PIK3CB: variants seen among roughly 807,000 people sequenced by gnomAD.
The protein encoded by PIK3CB is phosphatidylinositol-4,5-bisphosphate 3-kinase catalytic subunit beta, also known as phosphatidylinositol 4,5-bisphosphate 3-kinase catalytic subunit beta isoform.
PIK3CB carries 39 observed loss-of-function variants against 136.8 expected under a neutral mutation model. That is an observed-to-expected ratio of 0.29 (90% CI 0.22 to 0.37). The LOEUF (loss-of-function observed/expected upper bound fraction) is 0.37. Among genes scored for constraint, PIK3CB ranks in the 10% least tolerant of loss-of-function variants. The pLI, the probability that PIK3CB is intolerant of heterozygous loss-of-function variation, is 1.00. For synonymous variants in PIK3CB, 428 were observed against 436.6 expected, an observed-to-expected ratio of 0.98 and a Z score of 0.25; for missense variants, 868 against 1,275.4, an observed-to-expected ratio of 0.68 and a Z score of 4.87.
chr3:138,830,903 A>AAATAAC (rs1933998895), intron 1 of PIK3CB, among the ~76,000 whole-genome samples: 1 of 136,970 alleles, frequency 7.3e-6, no homozygotes, highest in Non-Finnish European at 1.5e-5. Flanking sequence ...CTCCGTCTCA[A>AAATAAC]AATAATAATA....
chr3:138,756,050 C>A, intron 3 of PIK3CB, 71 bp from the exon 4 acceptor site: 2 of 652,880 alleles, frequency 3.1e-6, no homozygotes, highest in South Asian at 2.3e-5. Flanking sequence ...TAAGGATGCT[C>A]ACTGCAGCAC....
At chr3:138,696,552 CT>C (rs1003695557) in intron 13 of PIK3CB, among the ~76,000 whole-genome samples, 2 of 152,028 alleles carry the variant, frequency 1.3e-5, no homozygotes, top group Non-Finnish European at 2.9e-5. Flanking sequence ...AAGGCTAGCT[CT>C]TTTTTTATGT....
intron 1 of PIK3CB, among the ~76,000 whole-genome samples, chr3:138,813,706 C>T (rs1318577685): frequency 6.6e-6 from 1 of 151,574 alleles, no homozygotes; most frequent in East Asian, 2.0e-4. Flanking sequence ...CGTGAGCCAC[C>T]GCGCCCAGCC....
intron 6 of PIK3CB, among the ~76,000 whole-genome samples, chr3:138,736,157 A>T (rs933877344): frequency 6.6e-6 from 1 of 152,190 alleles, no homozygotes; most frequent in Non-Finnish European, 1.5e-5. Flanking sequence ...CATGAAGAAA[A>T]GTCAGTACTT....
intron 1 of PIK3CB, among the ~76,000 whole-genome samples, chr3:138,828,856 TG>T (rs1933906731): frequency 6.6e-6 from 1 of 151,894 alleles, no homozygotes; most frequent in African/African-American, 2.4e-5. Context: ...TGGTGCACCT[TG>T]GCTCACTGCA....
rs369932695 is a variant in PIK3CB, at chr3:138,657,335, G to T, written c.2942+355C>A. 32 of 170,394 alleles carry T rather than the reference G, an allele frequency of 1.9e-4. No individual in the cohort carries two copies. The South Asian group carries it at 4.9e-3, about 26-fold the overall frequency. 10.6% of individuals were successfully genotyped at this position (170,394 alleles called of 1,614,324 possible). A position where few individuals can be genotyped will look rare whatever the true frequency, so the allele number is the denominator to read the frequency against. Reference sequence around the variant, plus strand: ...TAATAGATCAGAGATTAAAAAATTTGCCCTGAATTCTAGTTCCCTTACTGT... The same window carrying T: ...TAATAGATCAGAGATTAAAAAATTTTCCCTGAATTCTAGTTCCCTTACTGT... On this transcript the variant is annotated intron_variant, in intron 22 of 23. Coordinates refer to ENST00000674063, the MANE Select transcript of PIK3CB (RefSeq NM_006219.3).
At chr3:138,759,745 G>A (rs1576396785) in intron 2 of PIK3CB, among the ~76,000 whole-genome samples, 1 of 151,996 alleles carries the variant, frequency 6.6e-6, no homozygotes, top group Non-Finnish European at 1.5e-5. Flanking sequence ...GGATTACAGG[G>A]TCCTAAGAAA....
At chr3:138,778,269 C>T in intron 2 of PIK3CB, 3 of 403,264 alleles carry the variant, frequency 7.4e-6, no homozygotes, top group South Asian at 3.7e-5. Flanking sequence ...TCCCAGCAAA[C>T]CTTCTATACC....
chr3:138,682,160 T>C, intron 18 of PIK3CB, 115 bp from the exon 19 acceptor site: 4 of 604,298 alleles, frequency 6.6e-6, no homozygotes, highest in South Asian at 2.3e-5. Context: ...TGTGCTAATA[T>C]TTTCACTAAT....
At chr3:138,750,693 T>C (rs2045454155) in intron 4 of PIK3CB, among the ~76,000 whole-genome samples, 1 of 152,152 alleles carries the variant, frequency 6.6e-6, no homozygotes, top group Non-Finnish European at 1.5e-5. Flanking sequence ...GTCTCCCCTT[T>C]CCCAGCCCAA....
chr3:138,750,845 A>C (rs1308186196), intron 4 of PIK3CB, among the ~76,000 whole-genome samples: 1 of 152,212 alleles, frequency 6.6e-6, no homozygotes, highest in Non-Finnish European at 1.5e-5. Flanking sequence ...ATAGCAGTTA[A>C]TACATTGCAA....
chr3:138,680,132 G>C (rs764093924), intron 19 of PIK3CB, among the ~76,000 whole-genome samples: 5 of 152,054 alleles, frequency 3.3e-5, no homozygotes, highest in Non-Finnish European at 7.3e-5. Context: ...GCCCAAGGCA[G>C]GCAGATCACA....
At chr3:138,761,070 G>A (rs1214233832) in intron 2 of PIK3CB, among the ~76,000 whole-genome samples, 1 of 152,130 alleles carries the variant, frequency 6.6e-6, no homozygotes, top group Non-Finnish European at 1.5e-5. Flanking sequence ...TAAGGTGAAA[G>A]GAGAAGAAAC....
At chr3:138,728,269 C>T (rs531887169) in intron 8 of PIK3CB, among the ~76,000 whole-genome samples, 2 of 152,222 alleles carry the variant, frequency 1.3e-5, no homozygotes, top group Non-Finnish European at 2.9e-5. Context: ...AGGCTTCTCA[C>T]CTCATTATAT....
At chr3:138,768,026 G>A (rs1199692686) in intron 2 of PIK3CB, among the ~76,000 whole-genome samples, 2 of 152,200 alleles carry the variant, frequency 1.3e-5, no homozygotes, top group Non-Finnish European at 2.9e-5. Context: ...CCAAGCGGAG[G>A]GTGAGCAAGA....
intron 12 of PIK3CB, among the ~76,000 whole-genome samples, chr3:138,702,065 G>C (rs1003119248): frequency 1.3e-4 from 19 of 150,884 alleles, no homozygotes; most frequent in African/African-American, 4.6e-4. Context: ...AGGAAGGTAG[G>C]TGGGAGTCAC....
chr3:138,782,331 A>C lies in PIK3CB; in HGVS notation c.-17+14132T>G, dbSNP rs368949887. Among the ~76,000 whole-genome samples, 26 of 152,338 alleles carry C rather than the reference A, an allele frequency of 1.7e-4. No individual in the cohort carries two copies. The East Asian group carries it at 3.5e-3, about 20-fold the overall frequency. ...ATTAATACTACCTTTAGCATCTCAT[A>C]ATCCTTCAAAATTGAATTGGAACAA... On this transcript the variant is annotated intron_variant, in intron 2 of 23. Coordinates refer to ENST00000674063, the MANE Select transcript of PIK3CB (RefSeq NM_006219.3).
intron 2 of PIK3CB, among the ~76,000 whole-genome samples, chr3:138,761,798 G>A (rs574965719): frequency 1.3e-5 from 2 of 151,814 alleles, no homozygotes; most frequent in African/African-American, 4.8e-5. Context: ...AAATTAGTCG[G>A]GGGTGGTGGC....
chr3:138,763,965 G>A (rs1337570752), intron 2 of PIK3CB, among the ~76,000 whole-genome samples: 1 of 151,848 alleles, frequency 6.6e-6, no homozygotes, highest in Non-Finnish European at 1.5e-5. Flanking sequence ...GCAAACATTA[G>A]CTGGGCATGG....
Sources: gnomAD v4.1 joint callset for allele counts (sites outside exome capture counted in the v4.1 genomes callset) on GRCh38, gnomAD v4.1.1 for gene constraint, MANE v1.5 for transcripts, NCBI Gene and HGNC (gene_info 2026-07-23, HGNC 2026-07-21) for gene names.